FBXL17: variants seen among roughly 807,000 people sequenced by gnomAD.
FBXL17 encodes the protein F-box and leucine rich repeat protein 17.
A neutral mutation model predicts 66.2 loss-of-function variants in FBXL17; 22 were observed. The observed-to-expected ratio is 0.33, with a 90% confidence interval of 0.24 to 0.47. The LOEUF is 0.47. Among genes scored for constraint, FBXL17 ranks in the 20% least tolerant of loss-of-function variants. The probability of loss-of-function intolerance (pLI) is 1.00; values close to 1 mark genes in which losing one functional copy is unlikely to be tolerated. For missense variants in FBXL17, 878 were observed against 948.2 expected (o/e 0.93, Z 0.97); for synonymous variants, 474 against 400.5 (o/e 1.18, Z -2.19).
At chr5:108,054,555 G>C (rs1747611861) in intron 6 of FBXL17, among the ~76,000 whole-genome samples, 1 of 152,202 alleles carries the variant, frequency 6.6e-6, no homozygotes, top group Non-Finnish European at 1.5e-5. Context: ...ACCACAGTGG[G>C]GTTAACTGAG....
rs188150315 is a variant in FBXL17 at position 108,212,666 on chromosome 5, G to A, written c.1614+11455C>T. On this transcript the variant is annotated intron_variant, in intron 5 of 8. Transcript: ENST00000542267. ...AGGCTGCAGAACAGCAAAGATTGCC[G>A]CCTGATCTTTCCTCAGGAAGCTTCG... 1.1e-4 allele frequency among the ~76,000 whole-genome samples: 17 copies of A among 152,284 alleles called. No homozygotes were observed. The South Asian group carries it at 1.5e-3, about 13-fold the overall frequency.
At chr5:108,323,733 G>C (rs1207106769) in intron 4 of FBXL17, among the ~76,000 whole-genome samples, 3 of 151,942 alleles carry the variant, frequency 2.0e-5, no homozygotes, top group Admixed American at 2.0e-4. Context: ...GCGTAGTGCT[G>C]GCAAAAAGAC....
chr5:108,293,147 A>G (rs1486760519), intron 4 of FBXL17, among the ~76,000 whole-genome samples: 1 of 151,914 alleles, frequency 6.6e-6, no homozygotes, highest in Non-Finnish European at 1.5e-5. Flanking sequence ...CAGTATTCCT[A>G]TATTAGTTTC....
At position 108,076,235 on chromosome 5, in the gene FBXL17, G is replaced by A. The variant is rs1484268021; in HGVS notation, c.1746-55234C>T. ...TTTCAACTCTGAGGTTTAGACAAGT[G>A]ACCATAGTAAGGCCTGGGGACAACA... is the stretch of plus-strand genomic sequence containing the variant. On this transcript the variant is annotated intron_variant, in intron 6 of 8. Transcript: ENST00000542267. 2.0e-5 allele frequency among the ~76,000 whole-genome samples: 3 copies of A among 152,158 alleles called. No individual in the cohort carries two copies. The South Asian group carries it at 6.2e-4, about 32-fold the overall frequency.
At chr5:107,919,493 C>T (rs1750240875) in intron 7 of FBXL17, among the ~76,000 whole-genome samples, 1 of 152,190 alleles carries the variant, frequency 6.6e-6, no homozygotes, top group South Asian at 2.1e-4. Context: ...GTTCTCACCT[C>T]ACTGAGGGTA....
rs1748087415 is a variant in FBXL17, at chr5:107,860,314, G to C, written c.*1406C>G. 6.6e-6 allele frequency: 1 copy of C among 152,584 alleles called. No homozygotes were observed. The highest frequency in any genetic ancestry group is 1.5e-5 in the Non-Finnish European group (1 of 67,998). 9.5% of individuals were successfully genotyped at this position (152,584 alleles called of 1,614,324 possible). ...GGAAAAATAAATAGCAACTTCACAAGTTAGGGTTTTGTTTCTAGTTCTACT... is the reference window on the plus strand; with the variant it reads ...GGAAAAATAAATAGCAACTTCACAACTTAGGGTTTTGTTTCTAGTTCTACT... On this transcript the variant is annotated 3_prime_UTR_variant, in exon 9 of 9. Coordinates refer to ENST00000542267, the MANE Select transcript of FBXL17 (RefSeq NM_001163315.3).
intron 7 of FBXL17, among the ~76,000 whole-genome samples, chr5:107,892,025 T>C (rs1023902576): frequency 6.6e-6 from 1 of 152,092 alleles, no homozygotes; most frequent in African/African-American, 2.4e-5. Context: ...TGCTCAGACA[T>C]TTACATCAGC....
At chr5:108,126,915 A>C (rs1750739254) in intron 6 of FBXL17, among the ~76,000 whole-genome samples, 1 of 151,990 alleles carries the variant, frequency 6.6e-6, no homozygotes, top group African/African-American at 2.4e-5. Flanking sequence ...AGCAAAAATA[A>C]AAGAAAAAAT....
intron 4 of FBXL17, among the ~76,000 whole-genome samples, chr5:108,324,374 T>C (rs896026839): frequency 1.3e-5 from 2 of 151,982 alleles, no homozygotes; most frequent in Middle Eastern, 3.4e-3. Context: ...AACAAAGAAA[T>C]ATAACCTCAC....
rs1748122467 is a variant in FBXL17 at position 107,861,554 on chromosome 5, A to G, written c.*166T>C. On this transcript the variant is annotated 3_prime_UTR_variant, in exon 9 of 9. Transcript: ENST00000542267. ...AAGCCAGCTCACTTGGGAACAAATG[A>G]CAACTGCACTTTTGGTATGCAGTAT... The G allele has an allele frequency of 3.7e-6, 2 of 537,230 alleles. No homozygotes were observed. Among genetic ancestry groups the G allele is most frequent in the Non-Finnish European group, 2.8e-6 (1 of 354,412 alleles). 33.3% of individuals were successfully genotyped at this position (537,230 alleles called of 1,614,324 possible).
intron 6 of FBXL17, among the ~76,000 whole-genome samples, chr5:108,029,224 T>C (rs895929165): frequency 3.9e-5 from 6 of 152,126 alleles, no homozygotes; most frequent in Admixed American, 2.0e-4. Context: ...CTTCTTGTTA[T>C]TTTTTAAAAG....
chr5:108,232,452 A>G (rs1755387612), intron 4 of FBXL17, among the ~76,000 whole-genome samples: 1 of 152,026 alleles, frequency 6.6e-6, no homozygotes, highest in Non-Finnish European at 1.5e-5. Context: ...GATACAAAGT[A>G]TTGGTCCTGG....
chr5:107,888,821 A>T (rs1191032677), intron 7 of FBXL17, among the ~76,000 whole-genome samples: 1 of 152,102 alleles, frequency 6.6e-6, no homozygotes, highest in Non-Finnish European at 1.5e-5. Flanking sequence ...TTGTGTGGAC[A>T]TATGTTTTCA....
chr5:108,368,208 A>G (rs1029239202), intron 1 of FBXL17, among the ~76,000 whole-genome samples: 2 of 151,976 alleles, frequency 1.3e-5, no homozygotes, highest in Non-Finnish European at 2.9e-5. Flanking sequence ...GTGTTCATGC[A>G]TATCTTTGTG....
chr5:108,200,801 T>C (rs948565352), intron 5 of FBXL17, among the ~76,000 whole-genome samples: 12 of 152,092 alleles, frequency 7.9e-5, no homozygotes, highest in African/African-American at 2.9e-4. Context: ...GTAAATACAC[T>C]GTGATCAACA....
intron 7 of FBXL17, among the ~76,000 whole-genome samples, chr5:108,013,798 T>A (rs1000487689): frequency 1.8e-4 from 28 of 152,168 alleles, no homozygotes; most frequent in African/African-American, 5.5e-4. Context: ...TGCTTTCATC[T>A]TTCCACATCC....
intron 6 of FBXL17, among the ~76,000 whole-genome samples, chr5:108,084,369 A>G (rs1379752774): frequency 1.3e-5 from 2 of 152,208 alleles, no homozygotes; most frequent in African/African-American, 2.4e-5. Flanking sequence ...TTATCTACCA[A>G]TCGGTTTGCT....
At position 108,083,218 on chromosome 5, in the gene FBXL17, A is replaced by AACACACACACACAC. The variant is rs756726228; in HGVS notation, c.1746-62231_1746-62218dup. ...GGCTTCTCCCTCACCCTCACCTCAG[A>AACACACACACACAC]ACACACACACACACACACACACACA... On this transcript the variant is annotated intron_variant, in intron 6 of 8. Transcript: ENST00000542267. Among the ~76,000 whole-genome samples the AACACACACACACAC allele has an allele frequency of 7.9e-3, 1,139 of 144,558 alleles. 12 individuals carry two copies. The highest frequency in any genetic ancestry group is 0.011 in the Middle Eastern group (3 of 278). The allele number at this position is 144,558 out of a possible 152,430, so 94.8% of individuals were successfully genotyped here. A position where few individuals can be genotyped will look rare whatever the true frequency, so the allele number is the denominator to read the frequency against.
chr5:108,264,357 G>A (rs1048069837), intron 4 of FBXL17, among the ~76,000 whole-genome samples: 7 of 151,628 alleles, frequency 4.6e-5, no homozygotes, highest in Non-Finnish European at 8.8e-5. Context: ...CCAAAACACT[G>A]AAAGAGTTAG....
Sources: gnomAD v4.1 joint callset for allele counts (sites outside exome capture counted in the v4.1 genomes callset) on GRCh38, gnomAD v4.1.1 for gene constraint, MANE v1.5 for transcripts, NCBI Gene and HGNC (gene_info 2026-07-23, HGNC 2026-07-21) for gene names.